The following SCN8A variants were observed in gnomAD, a reference collection of about 807,000 sequenced individuals.
SCN8A encodes the protein sodium voltage-gated channel alpha subunit 8.
In SCN8A, 30 loss-of-function variants were observed where a neutral mutation model predicts 184.1. The observed-to-expected ratio is 0.16, with a 90% CI of 0.12 to 0.22. SCN8A has a LOEUF of 0.22. Among genes scored for constraint, SCN8A ranks in the 10% least tolerant of loss-of-function variants. The probability of loss-of-function intolerance (pLI) is 1.00; values close to 1 mark genes in which losing one functional copy is unlikely to be tolerated. For missense variants in SCN8A, 1,057 were observed against 2,498.9 expected (o/e 0.42, Z 12.30); for synonymous variants, 852 against 907.0 (o/e 0.94, Z 1.09).
chr12:51,758,686 C>T (rs1345192034), intron 14 of SCN8A, among the ~76,000 whole-genome samples: 2 of 152,208 alleles, frequency 1.3e-5, no homozygotes, highest in Non-Finnish European at 2.9e-5. Flanking sequence ...GATCCACCCA[C>T]CTGGGCATTC....
At chr12:51,710,690 A>AT (rs1431765671) in intron 11 of SCN8A, among the ~76,000 whole-genome samples, 1 of 152,184 alleles carries the variant, frequency 6.6e-6, no homozygotes, top group East Asian at 1.9e-4. Flanking sequence ...AAACCAAAAA[A>AT]TTAAAATTAA....
At chr12:51,651,760 A>G (rs1187923081) in intron 1 of SCN8A, among the ~76,000 whole-genome samples, 1 of 152,190 alleles carries the variant, frequency 6.6e-6, no homozygotes, top group African/African-American at 2.4e-5. Context: ...TATTACCTCT[A>G]TGATTTGGAA....
At chr12:51,767,055 C>T (rs1339557491) in intron 16 of SCN8A, among the ~76,000 whole-genome samples, 1 of 152,148 alleles carries the variant, frequency 6.6e-6, no homozygotes, top group Non-Finnish European at 1.5e-5. Flanking sequence ...CCAGCTACAA[C>T]TATTCTGTTC....
chr12:51,627,615 C>T (rs112885050), intron 1 of SCN8A, among the ~76,000 whole-genome samples: 1,703 of 152,250 alleles, frequency 0.011, 32 homozygotes, highest in African/African-American at 0.039. Context: ...CTCCTGACCT[C>T]GTGATTCCCC....
At chr12:51,625,314 T>A (rs192558565) in intron 1 of SCN8A, among the ~76,000 whole-genome samples, 1,757 of 152,346 alleles carry the variant, frequency 0.012, 15 homozygotes, top group Non-Finnish European at 0.016. Context: ...CAAAATGTAT[T>A]TAAGATTCAC....
chr12:51,716,722 G>A (rs543974234), intron 11 of SCN8A, among the ~76,000 whole-genome samples: 7 of 152,246 alleles, frequency 4.6e-5, no homozygotes, highest in Admixed American at 2.0e-4. Context: ...ATATTTCTCC[G>A]CAGTGACGCC....
intron 14 of SCN8A, among the ~76,000 whole-genome samples, chr12:51,751,813 A>G (rs935374107): frequency 6.6e-6 from 1 of 152,158 alleles, no homozygotes; most frequent in African/African-American, 2.4e-5. Flanking sequence ...TTTAGGAGCT[A>G]TTGGCAGAAA....
intron 14 of SCN8A, among the ~76,000 whole-genome samples, chr12:51,760,037 A>G (rs147877912): frequency 6.6e-6 from 1 of 152,374 alleles, no homozygotes; most frequent in African/African-American, 2.4e-5. Flanking sequence ...TCATGATGGC[A>G]GAGTCCTCAC....
intron 9 of SCN8A, among the ~76,000 whole-genome samples, chr12:51,704,433 G>A (rs541923428): frequency 3.3e-5 from 5 of 151,996 alleles, no homozygotes; most frequent in African/African-American, 1.2e-4. Context: ...GCTTTGGGAG[G>A]CCGAGGCAGG....
chr12:51,735,905 T>G (rs537947757), intron 12 of SCN8A, among the ~76,000 whole-genome samples: 2 of 152,364 alleles, frequency 1.3e-5, no homozygotes, highest in South Asian at 4.1e-4. Context: ...CGCACCTTTT[T>G]GTTATTGGCT....
intron 26 of SCN8A, among the ~76,000 whole-genome samples, chr12:51,804,147 A>G (rs1454255266): frequency 6.6e-6 from 1 of 152,080 alleles, no homozygotes; most frequent in Non-Finnish European, 1.5e-5. Flanking sequence ...GTGGCCCCTC[A>G]TTTGGGTCCC....
intron 1 of SCN8A, among the ~76,000 whole-genome samples, chr12:51,627,153 T>C (rs945305034): frequency 2.0e-5 from 3 of 152,156 alleles, no homozygotes; most frequent in Admixed American, 6.5e-5. Flanking sequence ...AGGAGACTTA[T>C]TCTAGTGTTG....
intron 21 of SCN8A, among the ~76,000 whole-genome samples, chr12:51,784,516 A>G (rs1938023656): frequency 6.6e-6 from 1 of 152,158 alleles, no homozygotes; most frequent in Admixed American, 6.5e-5. Flanking sequence ...CCAAGATTGC[A>G]CCACTGCACT....
chr12:51,607,714 T>C (rs1939626450), intron 1 of SCN8A, among the ~76,000 whole-genome samples: 1 of 152,228 alleles, frequency 6.6e-6, no homozygotes, highest in Admixed American at 6.5e-5. Flanking sequence ...ATTCTGTTTA[T>C]GTGCTGTATC....
chr12:51,711,803 A>G (rs1369548750), intron 11 of SCN8A, among the ~76,000 whole-genome samples: 2 of 151,822 alleles, frequency 1.3e-5, no homozygotes, highest in South Asian at 2.1e-4. Flanking sequence ...TAAATATTCA[A>G]TCCTATTTAT....
rs2138862532 is a variant in SCN8A at position 51,765,673 on chromosome 12, C to T, written c.2547C>T (p.Leu849=). 1.3e-6 allele frequency: 2 copies of T among 1,535,684 alleles called. No individual in the cohort carries two copies. The highest frequency in any genetic ancestry group is 1.9e-5 in the Admixed American group (1 of 52,546). The change falls in exon 16 of 27, where the codon CTC becomes CTT. Residue 849 remains leucine, a splice_region_variant and synonymous_variant. Transcript: ENST00000627620. ...GLSVLRSFRL[L]RVFKLAKSWP... ...GTTTGGGTTTTTTTTTTCCTTAGCT[C>T]CGAGTCTTCAAATTGGCCAAATCCT...
chr12:51,780,058 G>A (rs1023421074), intron 20 of SCN8A: 44 of 287,590 alleles, frequency 1.5e-4, no homozygotes, highest in South Asian at 1.2e-3. Flanking sequence ...TGTTAATGTC[G>A]TGACGCATCA....
intron 6 of SCN8A, among the ~76,000 whole-genome samples, chr12:51,698,385 C>CT (rs1157418923): frequency 6.6e-6 from 1 of 152,200 alleles, no homozygotes; most frequent in Non-Finnish European, 1.5e-5. Context: ...GTTCAGTGGT[C>CT]TTGCCTTCAG....
At chr12:51,795,775 G>T (rs1214801783) in intron 26 of SCN8A, among the ~76,000 whole-genome samples, 4 of 152,126 alleles carry the variant, frequency 2.6e-5, no homozygotes, top group Non-Finnish European at 5.9e-5. Context: ...GCCGGGTGCA[G>T]TGGCGCGTGC....
Sources: gnomAD v4.1 joint callset for allele counts (sites outside exome capture counted in the v4.1 genomes callset) on GRCh38, gnomAD v4.1.1 for gene constraint, MANE v1.5 for transcripts, NCBI Gene and HGNC (gene_info 2026-07-23, HGNC 2026-07-21) for gene names.